STXBP6: variants seen among roughly 807,000 people sequenced by gnomAD.
The protein encoded by STXBP6 is syntaxin-binding protein 6.
STXBP6 carries 21 observed loss-of-function variants against 26.9 expected under a neutral mutation model. That is an observed-to-expected ratio of 0.78 (90% CI 0.55 to 1.12). STXBP6 has a LOEUF of 1.12. Among genes scored for constraint, STXBP6 ranks in the 50% most tolerant of loss-of-function variants. The probability of loss-of-function intolerance (pLI) is 0.00; values close to 1 mark genes in which losing one functional copy is unlikely to be tolerated. For missense variants in STXBP6, 232 were observed against 257.9 expected (o/e 0.90, Z 0.69); for synonymous variants, 97 against 92.6 (o/e 1.05, Z -0.27).
chr14:24,857,294 A>T lies in STXBP6; in HGVS notation c.155-137T>A, dbSNP rs143936014. On this transcript the variant is annotated intron_variant, in intron 2 of 5. Transcript: ENST00000323944. ...AAGGCAGAGGGGGAAAGGAGGGAAT[A>T]TGAATAAATATGTGTGCCTTTGGTC... The T allele has an allele frequency of 6.5e-3, 7,228 of 1,106,288 alleles. 32 individuals carry two copies. Among genetic ancestry groups the T allele is most frequent in the Non-Finnish European group, 8.4e-3 (6,467 of 768,358 alleles). The allele number at this position is 1,106,288 out of a possible 1,614,324, so 68.5% of individuals were successfully genotyped here.
chr14:24,955,280 G>A (rs1217578543), intron 2 of STXBP6, among the ~76,000 whole-genome samples: 1 of 152,008 alleles, frequency 6.6e-6, no homozygotes, highest in Non-Finnish European at 1.5e-5. Flanking sequence ...AACCTCCTGG[G>A]GATGGCTACC....
At chr14:24,933,177 T>G (rs1328864670) in intron 2 of STXBP6, among the ~76,000 whole-genome samples, 1 of 152,008 alleles carries the variant, frequency 6.6e-6, no homozygotes, top group Non-Finnish European at 1.5e-5. Context: ...CCTGTCCCTA[T>G]AAAAAATACA....
chr14:24,937,672 G>A (rs2072650967), intron 2 of STXBP6, among the ~76,000 whole-genome samples: 2 of 152,116 alleles, frequency 1.3e-5, no homozygotes, highest in Non-Finnish European at 2.9e-5. Flanking sequence ...TATCACTTCT[G>A]ACCATAGCTG....
chr14:24,978,601 C>G (rs1203865858), intron 1 of STXBP6, among the ~76,000 whole-genome samples: 1 of 152,168 alleles, frequency 6.6e-6, no homozygotes, highest in Non-Finnish European at 1.5e-5. Context: ...CTTTTCTTTT[C>G]CTGCTTCTAC....
intron 2 of STXBP6, among the ~76,000 whole-genome samples, chr14:24,892,329 C>A (rs1344275756): frequency 6.6e-6 from 1 of 151,850 alleles, no homozygotes; most frequent in African/African-American, 2.4e-5. Flanking sequence ...GGTGCAAATT[C>A]TGATTTTAGG....
chr14:25,013,466 TCACACACA>T (rs3219652), intron 1 of STXBP6, among the ~76,000 whole-genome samples: 4 of 143,254 alleles, frequency 2.8e-5, no homozygotes, highest in Admixed American at 1.4e-4. Flanking sequence ...CATCTCTCTT[TCACACACA>T]CACACACACA....
chr14:25,008,499 G>A (rs779230681), intron 1 of STXBP6, among the ~76,000 whole-genome samples: 39 of 152,264 alleles, frequency 2.6e-4, no homozygotes, highest in Middle Eastern at 3.4e-3. Flanking sequence ...AAAAGAGTTC[G>A]TCTTTCCAAA....
intron 1 of STXBP6, among the ~76,000 whole-genome samples, chr14:24,982,709 A>G (rs1388092668): frequency 6.6e-6 from 1 of 152,150 alleles, no homozygotes; most frequent in Admixed American, 6.5e-5. Context: ...AACCTAGATT[A>G]TTTTCATCTC....
At chr14:24,928,001 G>A (rs2072239838) in intron 2 of STXBP6, among the ~76,000 whole-genome samples, 1 of 152,150 alleles carries the variant, frequency 6.6e-6, no homozygotes, top group Non-Finnish European at 1.5e-5. Context: ...ACAACTGAGT[G>A]GAGGAAGGGA....
At chr14:24,883,808 C>T (rs2139455098) in intron 2 of STXBP6, among the ~76,000 whole-genome samples, 1 of 152,238 alleles carries the variant, frequency 6.6e-6, no homozygotes, top group Non-Finnish European at 1.5e-5. Context: ...TGGGATTCTT[C>T]TGCAAAAGCA....
At chr14:24,997,220 C>T (rs2074627769) in intron 1 of STXBP6, among the ~76,000 whole-genome samples, 1 of 152,154 alleles carries the variant, frequency 6.6e-6, no homozygotes, top group African/African-American at 2.4e-5. Context: ...AACAACAACA[C>T]TCACATACGC....
intron 4 of STXBP6, among the ~76,000 whole-genome samples, chr14:24,837,757 GTCTAAGATACAGC>G (rs1566396679): frequency 6.6e-6 from 1 of 152,170 alleles, no homozygotes; most frequent in Admixed American, 6.5e-5. Context: ...AATTAAAAGG[GTCTAAGATACAGC>G]TCTAACACGA....
At chr14:24,991,430 C>T (rs375986433) in intron 1 of STXBP6, among the ~76,000 whole-genome samples, 1 of 152,254 alleles carries the variant, frequency 6.6e-6, no homozygotes, top group East Asian at 1.9e-4. Flanking sequence ...TCAGTTTATA[C>T]AGGTCATTGA....
chr14:25,041,294 C>G (rs1453397058), intron 1 of STXBP6, among the ~76,000 whole-genome samples: 1 of 151,900 alleles, frequency 6.6e-6, no homozygotes, highest in Non-Finnish European at 1.5e-5. Context: ...CCAGCCTGGG[C>G]AACAAGAGCA....
At chr14:24,852,660 C>T (rs1021211533) in intron 4 of STXBP6, among the ~76,000 whole-genome samples, 8 of 152,056 alleles carry the variant, frequency 5.3e-5, no homozygotes, top group Non-Finnish European at 1.2e-4. Flanking sequence ...AAAAAAATAG[C>T]TTAAGAATTA....
chr14:24,876,045 G>A (rs1166086975), intron 2 of STXBP6, among the ~76,000 whole-genome samples: 1 of 152,120 alleles, frequency 6.6e-6, no homozygotes, highest in Non-Finnish European at 1.5e-5. Flanking sequence ...GGTGGATGCA[G>A]GACAGCTTCT....
At chr14:25,039,464 T>C (rs2075606512) in intron 1 of STXBP6, among the ~76,000 whole-genome samples, 1 of 152,172 alleles carries the variant, frequency 6.6e-6, no homozygotes, top group Admixed American at 6.5e-5. Flanking sequence ...CTGACTGTCT[T>C]TGTATAAATT....
chr14:24,898,497 T>C (rs1219077600), intron 2 of STXBP6, among the ~76,000 whole-genome samples: 34 of 151,990 alleles, frequency 2.2e-4, no homozygotes, highest in Non-Finnish European at 4.3e-4. Flanking sequence ...GCCAATATGG[T>C]GGAACCCCAT....
At chr14:24,824,012 T>A (rs898551319) in intron 4 of STXBP6, among the ~76,000 whole-genome samples, 1 of 152,176 alleles carries the variant, frequency 6.6e-6, no homozygotes, top group African/African-American at 2.4e-5. Flanking sequence ...AGCAAAGCTA[T>A]TTTCATGGTT....
Sources: gnomAD v4.1 joint callset for allele counts (sites outside exome capture counted in the v4.1 genomes callset) on GRCh38, gnomAD v4.1.1 for gene constraint, MANE v1.5 for transcripts, NCBI Gene and HGNC (gene_info 2026-07-23, HGNC 2026-07-21) for gene names.